PLXDC2: variants seen among roughly 807,000 people sequenced by gnomAD.
PLXDC2 encodes plexin domain containing 2.
Under a neutral mutation model 68.9 loss-of-function variants are expected in PLXDC2, and 40 were observed. The observed-to-expected ratio is 0.58, with a 90% CI of 0.45 to 0.76. PLXDC2 has a LOEUF of 0.76. Ranked by LOEUF, PLXDC2 falls within the 30% of genes least tolerant of loss-of-function variation. The pLI is 0.00. For synonymous variants in PLXDC2, 243 were observed against 234.2 expected (o/e 1.04, Z -0.34); for missense variants, 644 against 661.9 (o/e 0.97, Z 0.30).
chr10:20,159,455 G>A (rs1834262017), intron 6 of PLXDC2, among the ~76,000 whole-genome samples: 1 of 151,986 alleles, frequency 6.6e-6, no homozygotes, highest in South Asian at 2.1e-4. Flanking sequence ...ACCACTTTGG[G>A]GTGGAGCATG....
rs1834954855 is a variant in PLXDC2 at position 20,002,270 on chromosome 10, T to A, written c.324+284T>A. Among the ~76,000 whole-genome samples the A allele has an allele frequency of 1.3e-5, 2 of 151,690 alleles. 1 individual carries two copies. Among genetic ancestry groups the A allele is most frequent in the South Asian group, 4.2e-4 (2 of 4,782 alleles). On this transcript the variant is annotated intron_variant, in intron 2 of 13. Coordinates refer to ENST00000377252, the MANE Select transcript of PLXDC2 (RefSeq NM_032812.9). ...TTCATTGTGTAAGAGCTTTTTTTTTTTTTTTTGAGATGGAGTATCACTCTT... is the reference window on the plus strand; with the variant it reads ...TTCATTGTGTAAGAGCTTTTTTTTTATTTTTTGAGATGGAGTATCACTCTT...
chr10:19,908,463 T>C (rs1833206887), intron 1 of PLXDC2, among the ~76,000 whole-genome samples: 1 of 152,144 alleles, frequency 6.6e-6, no homozygotes, highest in African/African-American at 2.4e-5. Flanking sequence ...AGTTTATATC[T>C]AAAAGAGAGG....
At chr10:20,086,801 G>A (rs1323938375) in intron 4 of PLXDC2, among the ~76,000 whole-genome samples, 3 of 152,106 alleles carry the variant, frequency 2.0e-5, no homozygotes, top group African/African-American at 7.2e-5. Flanking sequence ...AATCAAGCCT[G>A]TAGCACGCCT....
intron 4 of PLXDC2, among the ~76,000 whole-genome samples, chr10:20,124,152 T>C (rs572459763): frequency 6.6e-6 from 1 of 152,070 alleles, no homozygotes; most frequent in South Asian, 2.1e-4. Flanking sequence ...GAAACATGGG[T>C]AAATAATCAG....
intron 1 of PLXDC2, 117 bp from the exon 2 acceptor site, chr10:20,001,658 C>G (rs1834940222): frequency 1.2e-6 from 1 of 836,758 alleles, no homozygotes; most frequent in Non-Finnish European, 1.9e-6. Flanking sequence ...TTAACTGTTA[C>G]AAGTTAGTTT....
intron 1 of PLXDC2, among the ~76,000 whole-genome samples, chr10:19,894,303 C>T (rs1322364156): frequency 4.0e-5 from 6 of 150,458 alleles, no homozygotes; most frequent in Non-Finnish European, 5.9e-5. Context: ...TAGCACAATC[C>T]TAGGAACTTA....
intron 4 of PLXDC2, among the ~76,000 whole-genome samples, chr10:20,105,934 T>C (rs1833485756): frequency 6.6e-6 from 1 of 152,202 alleles, no homozygotes; most frequent in Non-Finnish European, 1.5e-5. Context: ...CCTTGAAAAA[T>C]ATGATTATTT....
At chr10:20,224,402 A>G (rs1458061326) in intron 12 of PLXDC2, among the ~76,000 whole-genome samples, 1 of 152,216 alleles carries the variant, frequency 6.6e-6, no homozygotes, top group East Asian at 1.9e-4. Context: ...GTAGCTGACT[A>G]GAAGAGTTAT....
chr10:20,054,300 G>C (rs138338632), intron 3 of PLXDC2, among the ~76,000 whole-genome samples: 6 of 152,114 alleles, frequency 3.9e-5, no homozygotes, highest in African/African-American at 1.4e-4. Flanking sequence ...GGGGAGTCTC[G>C]CTAAACTGAC....
intron 2 of PLXDC2, among the ~76,000 whole-genome samples, chr10:20,010,081 C>T (rs554159467): frequency 6.6e-6 from 1 of 152,174 alleles, no homozygotes; most frequent in East Asian, 1.9e-4. Context: ...GAAATTTTGC[C>T]TGAACTTCTG....
At chr10:20,001,743 G>A (rs1169889076) in intron 1 of PLXDC2, 32 bp from the exon 2 acceptor site, 3 of 1,598,388 alleles carry the variant, frequency 1.9e-6, no homozygotes, top group Admixed American at 1.7e-5. Flanking sequence ...CACATAATGA[G>A]TGGTAACCCA....
chr10:20,235,491 C>A lies in PLXDC2; in HGVS notation c.1313-9854C>A, dbSNP rs893784196. On this transcript the variant is annotated intron_variant, in intron 12 of 13. Coordinates refer to ENST00000377252, the MANE Select transcript of PLXDC2 (RefSeq NM_032812.9). The stretch of plus-strand genomic sequence containing the variant: ...GATTTATTATATTTTAAGCACAATG[C>A]CAACCACTTTGTAAGCATCCTCTCA... Among the ~76,000 whole-genome samples the A allele has an allele frequency of 2.0e-5, 3 of 152,142 alleles. No homozygotes were observed. The East Asian group carries it at 5.8e-4, about 29-fold the overall frequency.
At chr10:19,868,200 G>C (rs368441187) in intron 1 of PLXDC2, among the ~76,000 whole-genome samples, 13 of 152,232 alleles carry the variant, frequency 8.5e-5, no homozygotes, top group African/African-American at 2.6e-4. Flanking sequence ...AATTTGTGTA[G>C]AGATTATTTT....
intron 1 of PLXDC2, among the ~76,000 whole-genome samples, chr10:19,934,545 A>G (rs1833692428): frequency 6.6e-6 from 1 of 152,190 alleles, no homozygotes; most frequent in Non-Finnish European, 1.5e-5. Context: ...GATGGCAAGC[A>G]ATGGTAAGTC....
intron 13 of PLXDC2, among the ~76,000 whole-genome samples, chr10:20,250,499 A>G (rs1337301715): frequency 6.6e-6 from 1 of 152,164 alleles, no homozygotes; most frequent in Non-Finnish European, 1.5e-5. Context: ...TGTGTGTGTT[A>G]CAAAGATTAT....
intron 1 of PLXDC2, among the ~76,000 whole-genome samples, chr10:19,918,838 A>T (rs1318404371): frequency 6.6e-6 from 1 of 152,244 alleles, no homozygotes; most frequent in African/African-American, 2.4e-5. Flanking sequence ...ATCAAGTAAT[A>T]GATTGCTAAG....
chr10:19,943,885 T>C (rs1833858277), intron 1 of PLXDC2, among the ~76,000 whole-genome samples: 1 of 152,174 alleles, frequency 6.6e-6, no homozygotes, highest in Non-Finnish European at 1.5e-5. Flanking sequence ...TTGGAGGAAA[T>C]GGACTTTTGC....
At chr10:19,818,339 AAG>A (rs1836397379) in intron 1 of PLXDC2, among the ~76,000 whole-genome samples, 1 of 150,384 alleles carries the variant, frequency 6.6e-6, no homozygotes, top group African/African-American at 2.5e-5. Flanking sequence ...TCACAGATGG[AAG>A]GTTGGGGGAC....
chr10:19,883,241 C>G (rs1040826439), intron 1 of PLXDC2, among the ~76,000 whole-genome samples: 1 of 151,966 alleles, frequency 6.6e-6, no homozygotes, highest in Non-Finnish European at 1.5e-5. Context: ...GGATTACAGG[C>G]GTGAGCCACC....
Sources: gnomAD v4.1 joint callset for allele counts (sites outside exome capture counted in the v4.1 genomes callset) on GRCh38, gnomAD v4.1.1 for gene constraint, MANE v1.5 for transcripts, NCBI Gene and HGNC (gene_info 2026-07-23, HGNC 2026-07-21) for gene names.